SYT16: variants seen among roughly 807,000 people sequenced by gnomAD.
SYT16 encodes synaptotagmin 16.
Under a neutral mutation model 61.4 loss-of-function variants are expected in SYT16, and 42 were observed. The ratio of observed to expected loss-of-function variants is 0.68; its 90% CI spans 0.53 to 0.89. The LOEUF is 0.89. Ranked by LOEUF, SYT16 falls within the 40% of genes least tolerant of loss-of-function variation. The pLI, the probability that SYT16 is intolerant of heterozygous loss-of-function variation, is 0.00. For synonymous variants in SYT16, 314 were observed against 302.3 expected (o/e 1.04, Z -0.40); for missense variants, 804 against 807.3 (o/e 1.00, Z 0.05).
chr14:61,947,497 C>CTTATGGGAT (rs2050494281), intron 1 of SYT16, among the ~76,000 whole-genome samples: 1 of 152,126 alleles, frequency 6.6e-6, no homozygotes, highest in African/African-American at 2.4e-5. Context: ...GGACACACTA[C>CTTATGGGAT]TTATGGGATT....
intron 3 of SYT16, among the ~76,000 whole-genome samples, chr14:62,004,889 T>C (rs1429586382): frequency 6.6e-6 from 1 of 152,138 alleles, no homozygotes; most frequent in Non-Finnish European, 1.5e-5. Flanking sequence ...TGGGTTGTGG[T>C]GAAAGTCTTG....
intron 3 of SYT16, among the ~76,000 whole-genome samples, chr14:62,039,090 A>G (rs2054614973): frequency 3.3e-5 from 5 of 152,228 alleles, no homozygotes; most frequent in Admixed American, 3.3e-4. Flanking sequence ...TTGGGTTTTT[A>G]AAATTCTAAA....
Position 62,075,374 on chromosome 14 carries a change from TC to T in SYT16, c.978del (p.Met327CysfsTer28). On this transcript the variant is annotated frameshift_variant, in exon 5 of 8. Transcript: ENST00000683842. LOFTEE classifies it high-confidence loss of function. ...FEDSYATDSS[S>X]MWSPEEQDRT... The stretch of plus-strand genomic sequence containing the variant: ...AGATTCCTATGCCACTGACAGCTCC[TC>T]CATGTGGAGTCCAGAGGCAAGTTAT... 6.2e-7 allele frequency: 1 copy of T among 1,611,940 alleles called. No individual in the cohort carries two copies. Among genetic ancestry groups the T allele is most frequent in the Non-Finnish European group, 8.5e-7 (1 of 1,178,342 alleles).
At chr14:61,963,082 C>T (rs1172508439) in intron 1 of SYT16, among the ~76,000 whole-genome samples, 1 of 152,132 alleles carries the variant, frequency 6.6e-6, no homozygotes, top group Non-Finnish European at 1.5e-5. Flanking sequence ...GACTGCCCCA[C>T]TGACCAGTTG....
intron 1 of SYT16, among the ~76,000 whole-genome samples, chr14:61,841,378 G>T (rs1480842983): frequency 1.3e-5 from 2 of 152,166 alleles, no homozygotes; most frequent in African/African-American, 2.4e-5. Context: ...ACAGGAAAAA[G>T]AAATGATTTT....
chr14:62,081,322 C>T, intron 6 of SYT16, 48 bp downstream of exon 6: 1 of 1,549,732 alleles, frequency 6.5e-7, no homozygotes, highest in African/African-American at 1.4e-5. Context: ...GTTCGAAGAC[C>T]TGGGATTGTC....
At chr14:61,913,635 T>A (rs760631899) in intron 1 of SYT16, among the ~76,000 whole-genome samples, 2 of 152,084 alleles carry the variant, frequency 1.3e-5, no homozygotes, top group Non-Finnish European at 1.5e-5. Flanking sequence ...GACACTGGAC[T>A]GTATTTACAC....
chr14:61,909,155 A>C (rs561764506), intron 1 of SYT16, among the ~76,000 whole-genome samples: 5 of 152,158 alleles, frequency 3.3e-5, no homozygotes, highest in Admixed American at 1.3e-4. Flanking sequence ...TATTTTTGTG[A>C]GTACTTTCAG....
At chr14:61,814,862 A>C (rs1299588095) in intron 1 of SYT16, among the ~76,000 whole-genome samples, 1 of 152,324 alleles carries the variant, frequency 6.6e-6, no homozygotes, top group East Asian at 1.9e-4. Context: ...TTTCCCGCAA[A>C]GCTTGACCAT....
chr14:61,964,968 T>C (rs1270616043), intron 1 of SYT16, among the ~76,000 whole-genome samples: 1 of 152,128 alleles, frequency 6.6e-6, no homozygotes, highest in Non-Finnish European at 1.5e-5. Flanking sequence ...TATCCTGCTA[T>C]TGCACATTTA....
chr14:61,983,195 G>A (rs2140569639), intron 2 of SYT16, among the ~76,000 whole-genome samples: 1 of 152,174 alleles, frequency 6.6e-6, no homozygotes, highest in South Asian at 2.1e-4. Context: ...GGAGTAATAG[G>A]TTTAAAATTT....
chr14:62,098,370 A>C (rs1566847472), intron 7 of SYT16, among the ~76,000 whole-genome samples: 1 of 152,258 alleles, frequency 6.6e-6, no homozygotes, highest in Admixed American at 6.5e-5. Flanking sequence ...TAAAAGTTGC[A>C]GATAAAGGTC....
intron 3 of SYT16, among the ~76,000 whole-genome samples, chr14:62,014,947 T>C (rs577792117): frequency 2.8e-4 from 43 of 152,322 alleles, no homozygotes; most frequent in Admixed American, 2.0e-3. Context: ...CTAAAACCTT[T>C]GGTTTCATCT....
intron 1 of SYT16, among the ~76,000 whole-genome samples, chr14:61,894,937 C>T (rs771725086): frequency 6.6e-6 from 1 of 152,164 alleles, no homozygotes; most frequent in African/African-American, 2.4e-5. Flanking sequence ...AGTTTCTGGA[C>T]CAGGAGTAGC....
chr14:62,027,206 C>T (rs79308056), intron 3 of SYT16, among the ~76,000 whole-genome samples: 9,685 of 152,180 alleles, frequency 0.064, 551 homozygotes, highest in African/African-American at 0.16. Context: ...CTGTTTCCTC[C>T]CCTTAGCATC....
intron 3 of SYT16, among the ~76,000 whole-genome samples, chr14:62,069,231 C>G (rs1393647840): frequency 6.6e-6 from 1 of 152,214 alleles, no homozygotes; most frequent in Non-Finnish European, 1.5e-5. Flanking sequence ...TGGTCATTGA[C>G]TAGAACTGCA....
chr14:61,896,280 G>T (rs944115799), intron 1 of SYT16, among the ~76,000 whole-genome samples: 1 of 152,186 alleles, frequency 6.6e-6, no homozygotes, highest in Non-Finnish European at 1.5e-5. Flanking sequence ...AGGTGTACAG[G>T]TCCCCTGGGC....
chr14:61,954,894 A>C (rs1456175955), intron 1 of SYT16, among the ~76,000 whole-genome samples: 1 of 152,214 alleles, frequency 6.6e-6, no homozygotes, highest in Non-Finnish European at 1.5e-5. Flanking sequence ...GAATCTTTAA[A>C]TATGAAGGAA....
intron 1 of SYT16, among the ~76,000 whole-genome samples, chr14:61,955,236 G>A (rs2050826583): frequency 6.6e-6 from 1 of 152,084 alleles, no homozygotes; most frequent in South Asian, 2.1e-4. Flanking sequence ...GTATAAACTT[G>A]TTCATTGCCT....
Sources: gnomAD v4.1 joint callset for allele counts (sites outside exome capture counted in the v4.1 genomes callset) on GRCh38, gnomAD v4.1.1 for gene constraint, MANE v1.5 for transcripts, NCBI Gene and HGNC (gene_info 2026-07-23, HGNC 2026-07-21) for gene names.